Variants in BMPR2 observed in about 807,000 individuals in gnomAD.
The protein encoded by BMPR2 is bone morphogenetic protein receptor type-2.
Under a neutral mutation model 100.8 loss-of-function variants are expected in BMPR2, and 29 were observed. That is an observed-to-expected ratio of 0.29 (90% CI 0.21 to 0.39). The LOEUF (loss-of-function observed/expected upper bound fraction) is 0.39, where lower values mean the gene tolerates loss of function less well. BMPR2 is among the 10% of genes least tolerant of loss of function. BMPR2 has a pLI of 1.00. For missense variants in BMPR2, 1,011 were observed against 1,274.5 expected (o/e 0.79, Z 3.15); for synonymous variants, 382 against 442.3 (o/e 0.86, Z 1.71).
At position 202,552,863 on chromosome 2, in the gene BMPR2, A is replaced by G; in HGVS notation, c.1561A>G (p.Met521Val). 3 of 1,614,198 alleles carry G rather than the reference A, an allele frequency of 1.9e-6. No homozygotes were observed. The highest frequency in any genetic ancestry group is 2.5e-6 in the Non-Finnish European group (3 of 1,180,026). Residue 521 changes from methionine (M) to valine (V), a missense_variant, in exon 11 of 13, where the codon ATG becomes GTG. Coordinates refer to ENST00000374580, the MANE Select transcript of BMPR2 (RefSeq NM_001204.7). ...ATCTGTGAGCCCAACAGTCAATCCAATGTCTACTGCTATGCAGAATGAACG... is the reference window on the plus strand; with the variant it reads ...ATCTGTGAGCCCAACAGTCAATCCAGTGTCTACTGCTATGCAGAATGAACG... The part of the protein sequence containing the change: ...NKSVSPTVNP[M>V]STAMQNERNL...
chr2:202,464,915 G>T lies in BMPR2; in HGVS notation c.183G>T (p.Ser61=). Residue 61 remains serine, a synonymous_variant, in exon 2 of 13, where the codon TCG becomes TCT. Coordinates refer to ENST00000374580, the MANE Select transcript of BMPR2 (RefSeq NM_001204.7). ...ATGAAAATGGGACAATATTATGCTC[G>T]AAAGGTAGCACCTGCTATGGCCTTT... ...ISHENGTILC[S]KGSTCYGLWE... is the part of the protein sequence containing the mutation. 1 of 1,614,056 alleles carries T rather than the reference G, an allele frequency of 6.2e-7. No homozygotes were observed. The highest frequency in any genetic ancestry group is 8.5e-7 in the Non-Finnish European group (1 of 1,180,016).
At position 202,425,850 on chromosome 2, in the gene BMPR2, G is replaced by A. The variant is rs191799267; in HGVS notation, c.77-38959G>A. On this transcript the variant is annotated intron_variant, in intron 1 of 12. Transcript: ENST00000374580. Reference sequence around the variant, plus strand: ...AAAAGGAAGATTAATACATTGAATTGCATTTTAAAATTCTATACAGCAGGA... The same window carrying A: ...AAAAGGAAGATTAATACATTGAATTACATTTTAAAATTCTATACAGCAGGA... Among the ~76,000 whole-genome samples, 49 of 152,234 alleles carry A rather than the reference G, an allele frequency of 3.2e-4. 1 individual carries two copies. The East Asian group carries it at 7.1e-3, about 22-fold the overall frequency.
In BMPR2 at chr2:202,423,889, T is replaced by C. The variant is rs1691324347; in HGVS notation, c.77-40920T>C. 2.0e-5 allele frequency among the ~76,000 whole-genome samples: 3 copies of C among 152,186 alleles called. No individual in the cohort carries two copies. The South Asian group carries it at 6.2e-4, about 32-fold the overall frequency. On this transcript the variant is annotated intron_variant, in intron 1 of 12. Transcript: ENST00000374580. ...GACCAACATGGCGAAACCCTGTCTCTACTAAATATACAAAAATTATATTTG... is the reference window on the plus strand; with the variant it reads ...GACCAACATGGCGAAACCCTGTCTCCACTAAATATACAAAAATTATATTTG...
Position 202,543,780 on chromosome 2 carries a change from C to T in BMPR2, c.1413+1333C>T, listed in dbSNP as rs35629710. Among the ~76,000 whole-genome samples, 396 of 152,120 alleles carry T rather than the reference C, an allele frequency of 2.6e-3. 1 individual carries two copies. The highest frequency in any genetic ancestry group is 3.3e-3 in the Non-Finnish European group (224 of 67,998). ...TTCATCTAATATTTAAATACAATAACGAGAAATTTTTGGTATTATGATTAT... is the reference window on the plus strand; with the variant it reads ...TTCATCTAATATTTAAATACAATAATGAGAAATTTTTGGTATTATGATTAT... On this transcript the variant is annotated intron_variant, in intron 10 of 12. Coordinates refer to ENST00000374580, the MANE Select transcript of BMPR2 (RefSeq NM_001204.7).
intron 1 of BMPR2, among the ~76,000 whole-genome samples, chr2:202,453,783 A>G (rs1692034712): frequency 6.6e-6 from 1 of 152,218 alleles, no homozygotes; most frequent in African/African-American, 2.4e-5. Flanking sequence ...ACAGTCAACA[A>G]TAATTTATTG....
intron 1 of BMPR2, among the ~76,000 whole-genome samples, chr2:202,449,169 A>G (rs1022299410): frequency 7.9e-5 from 12 of 151,850 alleles, no homozygotes; most frequent in African/African-American, 2.7e-4. Flanking sequence ...TTAGCCGGGC[A>G]TGGTGGCACA....
intron 3 of BMPR2, among the ~76,000 whole-genome samples, chr2:202,497,143 C>T (rs1026901637): frequency 1.3e-5 from 2 of 152,224 alleles, no homozygotes; most frequent in African/African-American, 2.4e-5. Context: ...TAGCTGCCTT[C>T]CCGCGGGGCA....
intron 1 of BMPR2, among the ~76,000 whole-genome samples, chr2:202,434,908 A>AT (rs71035004): frequency 2.6e-5 from 1 of 38,416 alleles, no homozygotes; most frequent in African/African-American, 1.1e-4. Flanking sequence ...AAAAAAAAAA[A>AT]ATATATATAT....
At chr2:202,507,028 G>A (rs1195601048) in intron 3 of BMPR2, among the ~76,000 whole-genome samples, 3 of 150,422 alleles carry the variant, frequency 2.0e-5, no homozygotes, top group Non-Finnish European at 4.4e-5. Context: ...ACCCGAGATC[G>A]TGCCATTGGA....
intron 1 of BMPR2, among the ~76,000 whole-genome samples, chr2:202,433,253 A>ATAGGTAGG (rs549164375): frequency 6.6e-6 from 1 of 150,434 alleles, no homozygotes; most frequent in African/African-American, 2.5e-5. Flanking sequence ...GAGTAAGTAG[A>ATAGGTAGG]TAGGTAGGTA....
At chr2:202,438,211 G>C (rs1400761533) in intron 1 of BMPR2, among the ~76,000 whole-genome samples, 2 of 150,532 alleles carry the variant, frequency 1.3e-5, no homozygotes, top group East Asian at 3.9e-4. Context: ...TACTCAGGAG[G>C]CTGAGGCAGG....
At chr2:202,443,497 C>G (rs558942122) in intron 1 of BMPR2, among the ~76,000 whole-genome samples, 2 of 150,436 alleles carry the variant, frequency 1.3e-5, no homozygotes, top group East Asian at 3.9e-4. Flanking sequence ...GCCTCTGTCT[C>G]TCTTTCTCTC....
At chr2:202,514,198 C>T (rs1294807529) in intron 4 of BMPR2, among the ~76,000 whole-genome samples, 4 of 152,176 alleles carry the variant, frequency 2.6e-5, no homozygotes, top group East Asian at 3.9e-4. Context: ...TGCAGTGGCG[C>T]GATCTCGGCT....
intron 3 of BMPR2, among the ~76,000 whole-genome samples, chr2:202,475,793 G>A (rs900379712): frequency 2.6e-5 from 4 of 152,058 alleles, no homozygotes; most frequent in Admixed American, 6.5e-5. Context: ...AGTCCCGGCC[G>A]GGTGCAGTGG....
chr2:202,386,910 C>T (rs1381454805), intron 1 of BMPR2, among the ~76,000 whole-genome samples: 1 of 152,146 alleles, frequency 6.6e-6, no homozygotes, highest in Non-Finnish European at 1.5e-5. Flanking sequence ...GTCTCAATCT[C>T]CTGACCTCGT....
At chr2:202,412,571 G>A (rs897343756) in intron 1 of BMPR2, among the ~76,000 whole-genome samples, 6 of 152,048 alleles carry the variant, frequency 3.9e-5, no homozygotes, top group Non-Finnish European at 5.9e-5. Flanking sequence ...CGCCCGCCTC[G>A]GCCTCCGAAA....
At chr2:202,459,571 T>C (rs1041429560) in intron 1 of BMPR2, among the ~76,000 whole-genome samples, 1 of 152,180 alleles carries the variant, frequency 6.6e-6, no homozygotes, top group African/African-American at 2.4e-5. Context: ...CTCCCACTTA[T>C]AATTGAGAAC....
chr2:202,559,743 A>T lies in BMPR2; in HGVS notation c.2914A>T (p.Lys972Ter). 6.2e-7 allele frequency: 1 copy of T among 1,614,176 alleles called. No homozygotes were observed. ...DGKSGSGEKI[K>*]KRVKTPYSLK... is the part of the protein sequence containing the mutation. ...CAAATCAGGATCAGGTGAAAAGATC[A>T]AGAAACGTGTGAAAACTCCCTATTC... Residue 972 changes from lysine (K) to a stop codon, truncating the protein, a stop_gained, in exon 13 of 13, where the codon AAG becomes TAG. Transcript: ENST00000374580. LOFTEE classifies it high-confidence loss of function.
intron 3 of BMPR2, among the ~76,000 whole-genome samples, chr2:202,480,981 T>G (rs1431177680): frequency 1.0e-5 from 1 of 95,650 alleles, no homozygotes; most frequent in Non-Finnish European, 2.1e-5. Flanking sequence ...AAAAAAAAAA[T>G]CAATTGACCG....
Sources: gnomAD v4.1 joint callset for allele counts (sites outside exome capture counted in the v4.1 genomes callset) on GRCh38, gnomAD v4.1.1 for gene constraint, MANE v1.5 for transcripts, NCBI Gene and HGNC (gene_info 2026-07-23, HGNC 2026-07-21) for gene names.